CRACDL: variants seen among roughly 807,000 people sequenced by gnomAD.
The protein encoded by CRACDL is CRACD-like protein.
In CRACDL, 26 loss-of-function variants were observed where a neutral mutation model predicts 70.6. The observed-to-expected ratio is 0.37, with a 90% CI of 0.27 to 0.51. The LOEUF (loss-of-function observed/expected upper bound fraction) is 0.51, where lower values mean the gene tolerates loss of function less well. Ranked by LOEUF, CRACDL falls within the 20% of genes least tolerant of loss-of-function variation. The pLI is 0.94. For synonymous variants in CRACDL, 618 were observed against 615.2 expected, an observed-to-expected ratio of 1.00 and a Z score of -0.07; for missense variants, 1,283 against 1,376.9, an observed-to-expected ratio of 0.93 and a Z score of 1.08.
At chr2:98,882,605 A>G (rs896951160) in intron 1 of CRACDL, among the ~76,000 whole-genome samples, 1 of 152,158 alleles carries the variant, frequency 6.6e-6, no homozygotes, top group Non-Finnish European at 1.5e-5. Context: ...GAAGCTAGCT[A>G]GCTGTGATTT....
chr2:98,935,684 T>C (rs1709187697), intron 1 of CRACDL, among the ~76,000 whole-genome samples: 1 of 152,130 alleles, frequency 6.6e-6, no homozygotes, highest in Non-Finnish European at 1.5e-5. Flanking sequence ...GAAAGTTGGG[T>C]CCAGCAAAGT....
chr2:98,833,124 A>G (rs908983584), intron 3 of CRACDL, 127 bp from the exon 4 acceptor site: 3 of 848,392 alleles, frequency 3.5e-6, no homozygotes, highest in Non-Finnish European at 3.6e-6. Context: ...CTGCATTTAC[A>G]TTTCAGTGGT....
chr2:98,870,520 TC>T (rs1219186082), intron 1 of CRACDL, among the ~76,000 whole-genome samples: 1 of 151,988 alleles, frequency 6.6e-6, no homozygotes, highest in East Asian at 1.9e-4. Context: ...CTTGGCCTTC[TC>T]CCAGGGAGAG....
intron 7 of CRACDL, among the ~76,000 whole-genome samples, chr2:98,821,368 G>A (rs1353980092): frequency 2.0e-5 from 3 of 152,160 alleles, no homozygotes. Context: ...ATTGTTTGTA[G>A]AACGACGTCT....
intron 1 of CRACDL, among the ~76,000 whole-genome samples, chr2:98,929,238 G>A (rs1709008108): frequency 6.6e-6 from 1 of 152,214 alleles, no homozygotes; most frequent in Non-Finnish European, 1.5e-5. Context: ...AGTGGAGATG[G>A]GGCTTCAGAG....
At chr2:98,883,146 G>C (rs1049193090) in intron 1 of CRACDL, among the ~76,000 whole-genome samples, 27 of 152,226 alleles carry the variant, frequency 1.8e-4, no homozygotes, top group African/African-American at 6.5e-4. Context: ...GCTGCAAGTG[G>C]TGTTTGGGAA....
chr2:98,821,882 C>T lies in CRACDL; in HGVS notation c.2391G>A (p.Glu797=), dbSNP rs60496162. The T allele has an allele frequency of 0.021, 33,244 of 1,606,606 alleles. 691 individuals carry two copies. The highest frequency in any genetic ancestry group is 0.11 in the East Asian group (4,691 of 44,656). ...CAGCTCCCCTGCGCAGCGGCCTTTT[C>T]TCCGCCGTCCTGGGCTCCTTCCTGG... The part of the protein sequence containing the change: ...REPRKEPRTA[E]KRPLRRGAEK... The change falls in exon 7 of 10, where the codon GAG becomes GAA. Residue 797 remains glutamate, a synonymous_variant. Transcript: ENST00000397899.
intron 1 of CRACDL, among the ~76,000 whole-genome samples, chr2:98,885,621 C>A (rs1707779417): frequency 6.6e-6 from 1 of 152,002 alleles, no homozygotes; most frequent in African/African-American, 2.4e-5. Flanking sequence ...GAAAATATGG[C>A]CTTCAGAGGC....
At position 98,793,878 on chromosome 2, in the gene CRACDL, C is replaced by T. The variant is rs1188833501; in HGVS notation, c.*654G>A. On this transcript the variant is annotated 3_prime_UTR_variant, in exon 10 of 10. Transcript: ENST00000397899. ...GAAACCTTTTATTAAACAGGCAATGCATTGTGCAGTGGTTAAAGACACAGA... is the reference window on the plus strand; with the variant it reads ...GAAACCTTTTATTAAACAGGCAATGTATTGTGCAGTGGTTAAAGACACAGA... The T allele has an allele frequency of 1.3e-5, 2 of 152,626 alleles. No individual in the cohort carries two copies. Among genetic ancestry groups the T allele is most frequent in the African/African-American group, 4.8e-5 (2 of 41,440 alleles). 9.5% of individuals were successfully genotyped at this position (152,626 alleles called of 1,614,324 possible).
At chr2:98,804,465 A>G (rs748450881) in intron 7 of CRACDL, among the ~76,000 whole-genome samples, 2 of 152,214 alleles carry the variant, frequency 1.3e-5, no homozygotes, top group Non-Finnish European at 2.9e-5. Flanking sequence ...TGAGTTTCCC[A>G]ATGTGCAAGT....
intron 7 of CRACDL, among the ~76,000 whole-genome samples, chr2:98,815,849 G>GCACAAGT (rs1217227775): frequency 6.6e-6 from 1 of 152,208 alleles, no homozygotes; most frequent in Non-Finnish European, 1.5e-5. Context: ...GCCTCACAAG[G>GCACAAGT]GACATTACTG....
At chr2:98,893,954 G>A (rs1304325588) in intron 1 of CRACDL, among the ~76,000 whole-genome samples, 2 of 152,192 alleles carry the variant, frequency 1.3e-5, no homozygotes, top group Non-Finnish European at 2.9e-5. Context: ...CACTGGGCAT[G>A]GGCGTGGGCA....
chr2:98,934,074 C>T (rs1191793078), intron 1 of CRACDL, among the ~76,000 whole-genome samples: 1 of 152,140 alleles, frequency 6.6e-6, no homozygotes, highest in Non-Finnish European at 1.5e-5. Flanking sequence ...CTCTTAATAC[C>T]ATCACCTTGA....
chr2:98,897,774 A>G (rs1708165798), intron 1 of CRACDL, among the ~76,000 whole-genome samples: 1 of 152,228 alleles, frequency 6.6e-6, no homozygotes, highest in Admixed American at 6.5e-5. Context: ...TTGTTTGACA[A>G]TGTACCCAGC....
At chr2:98,885,057 T>C (rs1406942126) in intron 1 of CRACDL, among the ~76,000 whole-genome samples, 6 of 152,094 alleles carry the variant, frequency 3.9e-5, no homozygotes, top group Admixed American at 1.3e-4. Flanking sequence ...GTGCAGGGCA[T>C]AGAAAGGTGT....
intron 1 of CRACDL, among the ~76,000 whole-genome samples, chr2:98,889,251 AAG>A (rs1183819122): frequency 1.3e-5 from 2 of 151,130 alleles, no homozygotes; most frequent in East Asian, 1.9e-4. Flanking sequence ...GAAAGAGAGA[AAG>A]AGAAAAAGAA....
chr2:98,797,384 G>A lies in CRACDL; in HGVS notation c.2570C>T (p.Pro857Leu). 2 of 1,614,200 alleles carry A rather than the reference G, an allele frequency of 1.2e-6. No homozygotes were observed. The change falls in exon 8 of 10, where the codon CCA becomes CTA. Residue 857 changes from proline to leucine, a missense_variant. By Grantham distance (98) the Pro-to-Leu change is moderately conservative. This residue lies in a region of CRACDL where 921 missense variants were observed against 881.9 expected (regional missense o/e 1.04). Coordinates refer to ENST00000397899, the MANE Select transcript of CRACDL (RefSeq NM_207362.3). The stretch of plus-strand genomic sequence containing the variant: ...CTCGGGCACCTTGGCTTGCTTTCCT[G>A]GTTCAGACTTCAGGGTCCGTGCCCC... The part of the protein sequence containing the change: ...KPGARTLKSE[P>L]GKQAKVPERG...
intron 3 of CRACDL, among the ~76,000 whole-genome samples, chr2:98,837,224 A>C (rs1297560750): frequency 2.2e-5 from 3 of 137,628 alleles, no homozygotes; most frequent in African/African-American, 8.6e-5. Flanking sequence ...AAAAAAAAAA[A>C]GGTTCCAATC....
chr2:98,846,902 C>G (rs1706280069), intron 1 of CRACDL, 92 bp from the exon 2 acceptor site: 1 of 1,028,744 alleles, frequency 9.7e-7, no homozygotes, highest in Non-Finnish European at 1.5e-6. Flanking sequence ...TTGCCATGAT[C>G]TGGCCTGCAC....
Sources: gnomAD v4.1 joint callset for allele counts (sites outside exome capture counted in the v4.1 genomes callset) on GRCh38, gnomAD v4.1.1 for gene constraint, gnomAD v4.1.1 regional missense constraint, MANE v1.5 for transcripts, NCBI Gene and HGNC (gene_info 2026-07-23, HGNC 2026-07-21) for gene names.